The following NRG1 variants were observed in gnomAD, a reference collection of about 807,000 sequenced individuals.
NRG1 encodes the protein pro-neuregulin-1, membrane-bound isoform.
NRG1 carries 18 observed loss-of-function variants against 63.8 expected under a neutral mutation model. The observed-to-expected ratio is 0.28, with a 90% CI of 0.19 to 0.42. NRG1 has a LOEUF of 0.42. Ranked by LOEUF, NRG1 falls within the 10% of genes least tolerant of loss-of-function variation. The probability of loss-of-function intolerance (pLI) is 1.00; values close to 1 mark genes in which losing one functional copy is unlikely to be tolerated. For missense variants in NRG1, 762 were observed against 814.7 expected (o/e 0.94, Z 0.79); for synonymous variants, 302 against 301.3 (o/e 1.00, Z -0.02).
chr8:32,304,110 T>G (rs1013627359), intron 1 of NRG1, among the ~76,000 whole-genome samples: 1 of 152,260 alleles, frequency 6.6e-6, no homozygotes, highest in African/African-American at 2.4e-5. Context: ...GAGTGTTTAA[T>G]CTTCTGTGCT....
intron 5 of NRG1, among the ~76,000 whole-genome samples, chr8:32,622,217 T>C (rs959210955): frequency 6.6e-6 from 1 of 152,016 alleles, no homozygotes; most frequent in Non-Finnish European, 1.5e-5. Context: ...GCCCAGGAGA[T>C]TGAGGTTTCA....
At chr8:32,503,011 C>T (rs368169011) in intron 1 of NRG1, among the ~76,000 whole-genome samples, 1 of 151,932 alleles carries the variant, frequency 6.6e-6, no homozygotes, top group Non-Finnish European at 1.5e-5. Flanking sequence ...AGTAGCCGGG[C>T]GCAGTGGCTC....
rs1802069314 is a variant in NRG1, at chr8:32,326,699, A to G, written c.38-269129A>G. Among the ~76,000 whole-genome samples, 4 of 152,262 alleles carry G rather than the reference A, an allele frequency of 2.6e-5. No individual in the cohort carries two copies. The South Asian group carries it at 8.3e-4, about 32-fold the overall frequency. On this transcript the variant is annotated intron_variant, in intron 1 of 10. Coordinates refer to the NRG1 transcript ENST00000519301. ...ATATATACATTTTACTATAGCAACT[A>G]TAGTAAAGAGAAACCAGTGAGTCCT... is the stretch of plus-strand genomic sequence containing the variant.
chr8:32,250,813 GTGA>G (rs1563231532), intron 1 of NRG1, among the ~76,000 whole-genome samples: 3 of 151,930 alleles, frequency 2.0e-5, no homozygotes, highest in East Asian at 3.9e-4. Flanking sequence ...CCATGTTTCG[GTGA>G]TGATATTTTA....
Position 32,494,066 on chromosome 8 carries a change from G to A in NRG1, c.38-101762G>A, listed in dbSNP as rs144243629. On this transcript the variant is annotated intron_variant, in intron 1 of 10. Transcript: ENST00000519301. ...TTGCTTGTTTGTTTGTAACAAATGC[G>A]GTGGTGTAATCAAGTGGCTTTTACA... Among the ~76,000 whole-genome samples, 650 of 152,122 alleles carry A rather than the reference G, an allele frequency of 4.3e-3. 4 individuals are homozygous for A. The highest frequency in any genetic ancestry group is 0.015 in the African/African-American group (633 of 41,484).
At chr8:32,521,916 A>T (rs892139166) in intron 1 of NRG1, among the ~76,000 whole-genome samples, 3 of 152,208 alleles carry the variant, frequency 2.0e-5, no homozygotes, top group Admixed American at 6.5e-5. Flanking sequence ...CTATGTAAAT[A>T]TGAGAGCTCT....
rs557137348 is a variant in NRG1, at chr8:31,758,861, A to G, written c.37+119430A>G. On this transcript the variant is annotated intron_variant, in intron 1 of 10. Coordinates refer to the NRG1 transcript ENST00000519301. ...AAGTGGTTAGTTTTCCAAATTGGTT[A>G]TACCATTCTTCACTACCTGTTACCC... Among the ~76,000 whole-genome samples the G allele has an allele frequency of 3.2e-4, 49 of 152,300 alleles. 2 individuals are homozygous for G. In the South Asian group the frequency reaches 9.5e-3, roughly 30 times the overall value.
chr8:32,258,291 A>G (rs138110645), intron 1 of NRG1, among the ~76,000 whole-genome samples: 1 of 152,314 alleles, frequency 6.6e-6, no homozygotes, highest in East Asian at 1.9e-4. Flanking sequence ...TAAAGATTTG[A>G]CCTTCCCACA....
intron 1 of NRG1, among the ~76,000 whole-genome samples, chr8:32,366,671 GTGTGTGTATATATATATATATA>G (rs1323311266): frequency 4.6e-5 from 4 of 86,512 alleles, no homozygotes; most frequent in African/African-American, 1.5e-4. Context: ...GTGTGTGTGT[GTGTGTGTATATATATATATATA>G]TATATATATA....
intron 1 of NRG1, among the ~76,000 whole-genome samples, chr8:32,361,613 G>T (rs1283200035): frequency 2.0e-5 from 3 of 152,098 alleles, no homozygotes; most frequent in Non-Finnish European, 4.4e-5. Context: ...TGACCACAGA[G>T]ATCAGTTTTA....
Position 32,229,656 on chromosome 8 carries a change from T to C in NRG1, c.38-366172T>C, listed in dbSNP as rs117261750. 1.6e-3 allele frequency among the ~76,000 whole-genome samples: 246 copies of C among 152,012 alleles called. 1 individual carries two copies. Among genetic ancestry groups the C allele is most frequent in the Non-Finnish European group, 1.2e-3 (84 of 67,968 alleles). ...GGCCAACAAAAGAGAAAAAACAGAG[T>C]CAATGCGGAAAACGCTGCCAAGACA... On this transcript the variant is annotated intron_variant, in intron 1 of 10. Coordinates refer to the NRG1 transcript ENST00000519301.
intron 1 of NRG1, among the ~76,000 whole-genome samples, chr8:32,554,352 C>G (rs2129525100): frequency 6.6e-6 from 1 of 151,442 alleles, no homozygotes; most frequent in East Asian, 1.9e-4. Context: ...ACCAAAATAC[C>G]AATAGATGTC....
At chr8:31,863,861 CA>C (rs2129610736) in intron 1 of NRG1, among the ~76,000 whole-genome samples, 1 of 152,288 alleles carries the variant, frequency 6.6e-6, no homozygotes, top group South Asian at 2.1e-4. Flanking sequence ...GCTTCATGGG[CA>C]TACCCATGTC....
chr8:32,434,447 G>A (rs1240853865), intron 1 of NRG1, among the ~76,000 whole-genome samples: 1 of 152,100 alleles, frequency 6.6e-6, no homozygotes, highest in Non-Finnish European at 1.5e-5. Flanking sequence ...ATATGCACAT[G>A]CTCCTATACT....
chr8:32,097,153 A>C (rs1221528378), intron 1 of NRG1, among the ~76,000 whole-genome samples: 1 of 152,260 alleles, frequency 6.6e-6, no homozygotes, highest in South Asian at 2.1e-4. Context: ...AATTCCATCT[A>C]TGTTGCTGCA....
chr8:32,647,499 C>G (rs1853868415), intron 5 of NRG1: 1 of 985,286 alleles, frequency 1.0e-6, no homozygotes. Context: ...CCAGAAACAG[C>G]AGCTTAAAGA....
chr8:32,772,018 C>G (rs1275512145), downstream of NRG1, among the ~76,000 whole-genome samples: 2 of 67,916 alleles, frequency 2.9e-5, no homozygotes, highest in Admixed American at 3.9e-4. Context: ...AGTGAAACTC[C>G]GTCTCAAAAA....
At chr8:31,942,559 G>C (rs1481651041) in intron 1 of NRG1, among the ~76,000 whole-genome samples, 1 of 152,058 alleles carries the variant, frequency 6.6e-6, no homozygotes, top group Non-Finnish European at 1.5e-5. Flanking sequence ...AAACTAAAAA[G>C]TTTCTGCACA....
At chr8:32,205,750 A>G (rs960071222) in intron 1 of NRG1, among the ~76,000 whole-genome samples, 1 of 152,112 alleles carries the variant, frequency 6.6e-6, no homozygotes, top group Non-Finnish European at 1.5e-5. Context: ...TTTCTGTCTG[A>G]TTTAATTAAG....
Sources: allele counts gnomAD v4.1 joint callset (sites outside exome capture counted in the v4.1 genomes callset), GRCh38; gene constraint gnomAD v4.1.1; transcripts MANE v1.5; gene names NCBI Gene and HGNC (gene_info 2026-07-23, HGNC 2026-07-21).